The following ITPK1 variants were observed in gnomAD, a reference collection of about 807,000 sequenced individuals.
ITPK1 encodes inositol 1,3,4-trisphosphate 5/6-kinase.
Under a neutral mutation model 45.3 loss-of-function variants are expected in ITPK1, and 21 were observed. That is an observed-to-expected ratio of 0.46 (90% CI 0.33 to 0.67). ITPK1 has a LOEUF of 0.67. Among genes scored for constraint, ITPK1 ranks in the 30% least tolerant of loss-of-function variants. The probability of loss-of-function intolerance (pLI) is 0.02; values close to 1 mark genes in which losing one functional copy is unlikely to be tolerated. For synonymous variants in ITPK1, 258 were observed against 253.6 expected (o/e 1.02, Z -0.16); for missense variants, 474 against 573.5 (o/e 0.83, Z 1.77).
intron 9 of ITPK1, among the ~76,000 whole-genome samples, chr14:92,950,124 C>T (rs1887889646): frequency 6.6e-6 from 1 of 152,266 alleles, no homozygotes; most frequent in African/African-American, 2.4e-5. Context: ...GTGCTCTTAA[C>T]TAATACCCTA....
intron 3 of ITPK1, chr14:93,066,306 A>ATGTGTGTGTG (rs530096242): frequency 5.7e-5 from 25 of 436,054 alleles, no homozygotes; most frequent in Non-Finnish European, 9.6e-5. Context: ...GTGCGCGTGC[A>ATGTGTGTGTG]TGTGTGTGTG....
chr14:92,995,562 G>A (rs371443192), intron 4 of ITPK1, among the ~76,000 whole-genome samples: 2 of 152,182 alleles, frequency 1.3e-5, no homozygotes, highest in Admixed American at 6.5e-5. Flanking sequence ...AATGTTTAAA[G>A]ACTTCCTCTG....
intron 3 of ITPK1, among the ~76,000 whole-genome samples, chr14:93,060,302 C>G (rs567190312): frequency 2.6e-4 from 40 of 152,314 alleles, no homozygotes; most frequent in African/African-American, 9.4e-4. Flanking sequence ...TTTCAAGGCT[C>G]TCTTTGAACC....
At chr14:93,084,802 C>T (rs1432769373) in intron 2 of ITPK1, among the ~76,000 whole-genome samples, 1 of 152,188 alleles carries the variant, frequency 6.6e-6, no homozygotes, top group Non-Finnish European at 1.5e-5. Flanking sequence ...CCTAAGTCTG[C>T]CTTTGCACAA....
At chr14:93,057,298 C>A (rs1450148299) in intron 3 of ITPK1, among the ~76,000 whole-genome samples, 1 of 152,192 alleles carries the variant, frequency 6.6e-6, no homozygotes, top group African/African-American at 2.4e-5. Context: ...CGAGGTCCAA[C>A]GTGGAGAGCT....
At chr14:93,001,578 C>A (rs1475151122) in intron 4 of ITPK1, among the ~76,000 whole-genome samples, 1 of 152,194 alleles carries the variant, frequency 6.6e-6, no homozygotes, top group Non-Finnish European at 1.5e-5. Flanking sequence ...GCGTGCCACA[C>A]CCAGAGGAAA....
In ITPK1 at chr14:93,075,326, CAAAAAAAAAAAAAAAAAAA is replaced by C. The variant is rs58089863; in HGVS notation, c.120+1250_120+1268del. On this transcript the variant is annotated intron_variant, in intron 3 of 10. Transcript: ENST00000267615. ...TCCACTCCAGAGCGAGACTCCTTCT[CAAAAAAAAAAAAAAAAAAA>C]AAAAAAAAAAAAAAAAGGAAGAGAA... Among the ~76,000 whole-genome samples the C allele has an allele frequency of 6.6e-3, 357 of 54,010 alleles. 5 individuals are homozygous for C. Among genetic ancestry groups the C allele is most frequent in the Middle Eastern group, 0.034 (2 of 58 alleles). The allele number at this position is 54,010 out of a possible 152,430, so 35.4% of individuals were successfully genotyped here.
intron 5 of ITPK1, among the ~76,000 whole-genome samples, chr14:92,964,154 A>T (rs1217012582): frequency 1.3e-5 from 2 of 152,186 alleles, no homozygotes. Context: ...TCACAGTCTA[A>T]ACTCCAAACA....
At chr14:93,072,441 G>C (rs1363028451) in intron 3 of ITPK1, among the ~76,000 whole-genome samples, 3 of 151,924 alleles carry the variant, frequency 2.0e-5, no homozygotes, top group African/African-American at 7.2e-5. Context: ...AATAAGACAG[G>C]GTTTATCAAT....
At chr14:93,015,185 C>A (rs1888114999) in intron 4 of ITPK1, among the ~76,000 whole-genome samples, 1 of 152,214 alleles carries the variant, frequency 6.6e-6, no homozygotes, top group Admixed American at 6.5e-5. Flanking sequence ...TCAGGATGAG[C>A]AGCGGCTCAC....
intron 3 of ITPK1, among the ~76,000 whole-genome samples, chr14:93,028,741 C>G (rs1405859454): frequency 6.6e-6 from 1 of 152,236 alleles, no homozygotes; most frequent in Non-Finnish European, 1.5e-5. Context: ...CCCATTGGAT[C>G]TCCCACCTCT....
chr14:92,973,693 G>A (rs756431789), intron 5 of ITPK1, among the ~76,000 whole-genome samples: 4 of 152,194 alleles, frequency 2.6e-5, no homozygotes, highest in Non-Finnish European at 5.9e-5. Flanking sequence ...GATGACGATG[G>A]CAGCCACCCA....
chr14:93,094,307 C>A (rs917624189), intron 2 of ITPK1, among the ~76,000 whole-genome samples: 2 of 152,194 alleles, frequency 1.3e-5, no homozygotes, highest in Non-Finnish European at 2.9e-5. Context: ...AGCTGAATCA[C>A]CGTCGGTATG....
At chr14:93,064,288 A>T (rs12050242) in intron 3 of ITPK1, among the ~76,000 whole-genome samples, 3 of 152,212 alleles carry the variant, frequency 2.0e-5, no homozygotes, top group African/African-American at 7.2e-5. Context: ...ATCTCAAAAA[A>T]TAAAAATTAA....
At chr14:93,006,247 C>T (rs980797154) in intron 4 of ITPK1, among the ~76,000 whole-genome samples, 8 of 152,172 alleles carry the variant, frequency 5.3e-5, no homozygotes, top group South Asian at 2.1e-4. Context: ...GTAGGGGAAA[C>T]GCTGGAGCCC....
chr14:92,968,552 C>T (rs1885492286), intron 5 of ITPK1, among the ~76,000 whole-genome samples: 1 of 152,124 alleles, frequency 6.6e-6, no homozygotes, highest in Non-Finnish European at 1.5e-5. Context: ...AGAGAAGGAA[C>T]AAGGGGAGCC....
intron 7 of ITPK1, among the ~76,000 whole-genome samples, chr14:92,961,235 G>A (rs182652485): frequency 2.6e-5 from 4 of 152,326 alleles, no homozygotes; most frequent in African/African-American, 9.6e-5. Flanking sequence ...GCAGTGCTGT[G>A]TCCAGGGCAA....
At chr14:92,970,219 C>G (rs1234687246) in intron 5 of ITPK1, among the ~76,000 whole-genome samples, 1 of 152,202 alleles carries the variant, frequency 6.6e-6, no homozygotes, top group Non-Finnish European at 1.5e-5. Context: ...TGAAGCCAGC[C>G]AGCCCGACGC....
chr14:93,103,844 A>T (rs1892418699), intron 2 of ITPK1, among the ~76,000 whole-genome samples: 1 of 152,096 alleles, frequency 6.6e-6, no homozygotes, highest in African/African-American at 2.4e-5. Context: ...AATGAAAGTG[A>T]AACTGCCACA....
Sources: gnomAD v4.1 joint callset for allele counts (sites outside exome capture counted in the v4.1 genomes callset) on GRCh38, gnomAD v4.1.1 for gene constraint, MANE v1.5 for transcripts, NCBI Gene and HGNC (gene_info 2026-07-23, HGNC 2026-07-21) for gene names.